The following ADGRL3 variants were observed in gnomAD, a reference collection of about 807,000 sequenced individuals.
ADGRL3 encodes the protein calcium-independent alpha-latrotoxin receptor 3.
A neutral mutation model predicts 153.5 loss-of-function variants in ADGRL3; 62 were observed. That is an observed-to-expected ratio of 0.40 (90% CI 0.33 to 0.50). The LOEUF is 0.50. Ranked by LOEUF, ADGRL3 falls within the 20% of genes least tolerant of loss-of-function variation. The pLI is 0.47. For synonymous variants in ADGRL3, 710 were observed against 672.5 expected, an observed-to-expected ratio of 1.06 and a Z score of -0.86; for missense variants, 1,641 against 1,859.4, an observed-to-expected ratio of 0.88 and a Z score of 2.16.
rs537365364 is a variant in ADGRL3, at chr4:62,044,337, T to A, written c.3718-116T>A. 4.9e-5 allele frequency: 34 copies of A among 687,764 alleles called. No homozygotes were observed. In the African/African-American group the frequency reaches 5.6e-4, roughly 11 times the overall value. The allele number at this position is 687,764 out of a possible 1,614,324, so 42.6% of individuals were successfully genotyped here. ...TACTGCAAACATGTAGTTGTCTATT[T>A]GCCAAATGCTAGAAACAAAGGTCTC... is the stretch of plus-strand genomic sequence containing the variant. On this transcript the variant is annotated intron_variant, in intron 24 of 26. Coordinates refer to ENST00000683033, the MANE Select transcript of ADGRL3 (RefSeq NM_001387552.1).
intron 6 of ADGRL3, among the ~76,000 whole-genome samples, chr4:61,678,402 T>G (rs2095258995): frequency 6.6e-6 from 1 of 152,040 alleles, no homozygotes; most frequent in African/African-American, 2.4e-5. Context: ...ATCATATTTT[T>G]TTAATTAAAG....
At chr4:61,567,484 C>T (rs2098821102) in intron 4 of ADGRL3, among the ~76,000 whole-genome samples, 1 of 152,148 alleles carries the variant, frequency 6.6e-6, no homozygotes, top group Non-Finnish European at 1.5e-5. Flanking sequence ...TGACTTGCCC[C>T]TTTACCACGT....
intron 4 of ADGRL3, among the ~76,000 whole-genome samples, chr4:61,575,636 G>A (rs75005238): frequency 0.021 from 3,201 of 152,056 alleles, 45 homozygotes; most frequent in Non-Finnish European, 0.035. Flanking sequence ...CTCAAACGGT[G>A]CTCAATTTTT....
At chr4:61,869,936 TA>T (rs1190618911) in intron 9 of ADGRL3, among the ~76,000 whole-genome samples, 911 of 10,480 alleles carry the variant, frequency 0.087, 25 homozygotes, top group East Asian at 0.25. Context: ...AAAACTTTGT[TA>T]AAAAAAAAAA....
chr4:61,744,642 G>A (rs1240876305), intron 8 of ADGRL3, among the ~76,000 whole-genome samples: 1 of 152,210 alleles, frequency 6.6e-6, no homozygotes, highest in African/African-American at 2.4e-5. Context: ...CAACAGACCT[G>A]CAGCTGAGGG....
chr4:61,805,251 T>A (rs2097542164), intron 8 of ADGRL3, among the ~76,000 whole-genome samples: 1 of 152,174 alleles, frequency 6.6e-6, no homozygotes. Flanking sequence ...CTGTTTCCTG[T>A]GCCTTCAACA....
intron 1 of ADGRL3, among the ~76,000 whole-genome samples, chr4:61,315,182 A>G (rs547980106): frequency 5.3e-5 from 8 of 152,296 alleles, no homozygotes; most frequent in Admixed American, 6.5e-5. Flanking sequence ...AACACTCCCT[A>G]TGGTTGATAT....
intron 21 of ADGRL3, among the ~76,000 whole-genome samples, chr4:62,007,383 T>TATATATATACAC (rs71213024): frequency 8.8e-4 from 27 of 30,762 alleles, no homozygotes; most frequent in East Asian, 4.0e-3. Context: ...TATATATATA[T>TATATATATACAC]ACACACACAC....
At chr4:61,584,704 T>C (rs544375683) in intron 4 of ADGRL3, among the ~76,000 whole-genome samples, 56 of 152,094 alleles carry the variant, frequency 3.7e-4, no homozygotes, top group Non-Finnish European at 5.5e-4. Context: ...AATTTGTCTC[T>C]TGATAAATGT....
chr4:61,202,482 C>A lies in ADGRL3; in HGVS notation c.-240+717C>A, dbSNP rs935630551. Among the ~76,000 whole-genome samples, 1 of 152,130 alleles carries A rather than the reference C, an allele frequency of 6.6e-6. No individual in the cohort carries two copies. Among genetic ancestry groups the A allele is most frequent in the Non-Finnish European group, 1.5e-5 (1 of 68,018 alleles). Reference sequence around the variant, plus strand: ...CTGCCACTTTCGTGGGTGGCCCGGGCTGCGCTGTGCTGGTAGTGGGCACTG... The same window carrying A: ...CTGCCACTTTCGTGGGTGGCCCGGGATGCGCTGTGCTGGTAGTGGGCACTG... On this transcript the variant is annotated intron_variant, in intron 1 of 26. Coordinates refer to ENST00000683033, the MANE Select transcript of ADGRL3 (RefSeq NM_001387552.1). This position sits in a 1 kb window ranked among gnomAD's most constrained non-coding sequence, Gnocchi z 5.0.
intron 3 of ADGRL3, among the ~76,000 whole-genome samples, chr4:61,501,070 G>C (rs539928705): frequency 1.5e-4 from 23 of 152,308 alleles, no homozygotes; most frequent in African/African-American, 4.8e-4. Flanking sequence ...GGGACAGACA[G>C]ACTGTGGTTC....
intron 5 of ADGRL3, among the ~76,000 whole-genome samples, chr4:61,628,734 C>G (rs2092980880): frequency 6.6e-6 from 1 of 152,050 alleles, no homozygotes; most frequent in South Asian, 2.1e-4. Flanking sequence ...CATTTCTTCT[C>G]AAAGAGAGGG....
intron 9 of ADGRL3, among the ~76,000 whole-genome samples, chr4:61,816,049 A>G (rs774703785): frequency 6.6e-6 from 1 of 152,234 alleles, no homozygotes; most frequent in Non-Finnish European, 1.5e-5. Flanking sequence ...AAATCAATGC[A>G]TTGCTTTAGA....
chr4:61,971,990 T>G (rs1581693307), intron 17 of ADGRL3, among the ~76,000 whole-genome samples: 2 of 152,240 alleles, frequency 1.3e-5, no homozygotes, highest in East Asian at 3.9e-4. Flanking sequence ...CTTTGCCCAC[T>G]TTTTGATGGG....
At chr4:61,963,350 A>G (rs1429431474) in intron 17 of ADGRL3, among the ~76,000 whole-genome samples, 1 of 151,834 alleles carries the variant, frequency 6.6e-6, no homozygotes, top group East Asian at 1.9e-4. Flanking sequence ...GTGGGCAGAT[A>G]ATTTTGTCAT....
chr4:62,070,456 C>T lies in ADGRL3; in HGVS notation c.4180C>T (p.Leu1394Phe), dbSNP rs769885841. Residue 1394 changes from leucine (L) to phenylalanine (F), a missense_variant, in exon 27 of 27, where the codon CTC (leucine) becomes TTC (phenylalanine). Leu to Phe is a conservative substitution (Grantham distance 22). This residue lies in a region of ADGRL3 where 517 missense variants were observed against 555.0 expected (regional missense o/e 0.93). Transcript: ENST00000683033. ...CCACGAGGAGAGTTTGGGCCTGGAA[C>T]TCATTCATGAGGAATCTGATGCTCC... The part of the protein sequence containing the change: ...FNHEESLGLE[L>F]IHEESDAPLL... 36 of 1,551,596 alleles carry T rather than the reference C, an allele frequency of 2.3e-5. No homozygotes were observed. Among genetic ancestry groups the T allele is most frequent in the Non-Finnish European group, 3.1e-5 (36 of 1,147,022 alleles).
chr4:61,957,603 C>G (rs1437782866), intron 17 of ADGRL3, among the ~76,000 whole-genome samples: 1 of 147,724 alleles, frequency 6.8e-6, no homozygotes, highest in Non-Finnish European at 1.5e-5. Flanking sequence ...GAGTTTTGCT[C>G]TTGTTGCCCA....
At chr4:61,398,263 G>T (rs2096890646) in intron 2 of ADGRL3, among the ~76,000 whole-genome samples, 1 of 151,412 alleles carries the variant, frequency 6.6e-6, no homozygotes, top group South Asian at 2.1e-4. Context: ...AAAAAATGAT[G>T]ATTTTTACTT....
chr4:61,694,179 ATTTTTTTTTTTTTTTTTTTTTTT>A (rs554084495), intron 6 of ADGRL3, among the ~76,000 whole-genome samples: 1 of 26,672 alleles, frequency 3.7e-5, no homozygotes, highest in Non-Finnish European at 7.1e-5. Flanking sequence ...TTTTGTCATT[ATTTTTTTTTTTTTTTTTTTTTTT>A]TTTTTTTTTT....
Sources: allele counts gnomAD v4.1 joint callset (sites outside exome capture counted in the v4.1 genomes callset), GRCh38; gene constraint gnomAD v4.1.1; regional missense constraint gnomAD v4.1.1; non-coding constraint Gnocchi (gnomAD v3.1); transcripts MANE v1.5; gene names NCBI Gene and HGNC (gene_info 2026-07-23, HGNC 2026-07-21).